PSMD14: variants seen among roughly 807,000 people sequenced by gnomAD.
PSMD14 encodes proteasome 26S subunit, non-ATPase 14.
Under a neutral mutation model 41.2 loss-of-function variants are expected in PSMD14, and 7 were observed. The ratio of observed to expected loss-of-function variants is 0.17; its 90% confidence interval spans 0.10 to 0.32. The LOEUF (loss-of-function observed/expected upper bound fraction) is 0.32, where lower values mean the gene tolerates loss of function less well. Ranked by LOEUF, PSMD14 falls within the 10% of genes least tolerant of loss-of-function variation. PSMD14 has a pLI of 1.00. For missense variants in PSMD14, 139 were observed against 375.6 expected (o/e 0.37, Z 5.21); for synonymous variants, 114 against 122.3 (o/e 0.93, Z 0.45).
intron 3 of PSMD14, among the ~76,000 whole-genome samples, chr2:161,353,100 A>G (rs1000845060): frequency 1.3e-5 from 2 of 152,234 alleles, no homozygotes; most frequent in African/African-American, 4.8e-5. Context: ...TGGCTTTAAG[A>G]CTATGAGTCA....
At chr2:161,374,437 A>G (rs997816059) in intron 7 of PSMD14, among the ~76,000 whole-genome samples, 4 of 151,986 alleles carry the variant, frequency 2.6e-5, no homozygotes, top group African/African-American at 7.2e-5. Context: ...GAAATACACT[A>G]TATGATAAAG....
chr2:161,393,917 G>T (rs1055620332), intron 9 of PSMD14, among the ~76,000 whole-genome samples: 1 of 150,340 alleles, frequency 6.7e-6, no homozygotes, highest in Non-Finnish European at 1.5e-5. Flanking sequence ...TTAGTTTCAT[G>T]ATCACTGATA....
At chr2:161,342,266 T>C (rs1682975296) in intron 3 of PSMD14, among the ~76,000 whole-genome samples, 1 of 152,220 alleles carries the variant, frequency 6.6e-6, no homozygotes, top group Admixed American at 6.5e-5. Context: ...TGATATTAGC[T>C]GTACATTTGT....
At chr2:161,396,954 A>G (rs1375287920) in intron 10 of PSMD14, among the ~76,000 whole-genome samples, 5 of 152,066 alleles carry the variant, frequency 3.3e-5, no homozygotes, top group Non-Finnish European at 7.4e-5. Context: ...CATCCTCCCA[A>G]GTAGCTGGGA....
At chr2:161,340,471 C>A (rs1291571512) in intron 3 of PSMD14, among the ~76,000 whole-genome samples, 1 of 152,168 alleles carries the variant, frequency 6.6e-6, no homozygotes, top group African/African-American at 2.4e-5. Context: ...TTAAAATGTT[C>A]GTTTTATCTA....
Position 161,411,435 on chromosome 2 carries a change from G to A in PSMD14, c.*35G>A, listed in dbSNP as rs1684023575. 2.1e-6 allele frequency: 3 copies of A among 1,445,144 alleles called. No homozygotes were observed. Among genetic ancestry groups the A allele is most frequent in the Non-Finnish European group, 2.9e-6 (3 of 1,043,992 alleles). The allele number at this position is 1,445,144 out of a possible 1,614,324, so 89.5% of individuals were successfully genotyped here. A position where few individuals can be genotyped will look rare whatever the true frequency, so the allele number is the denominator to read the frequency against. On this transcript the variant is annotated 3_prime_UTR_variant, in exon 12 of 12. Transcript: ENST00000409682. ...AAACGCTATTAATGATGCCTTCAGTGTATATTCCTCTGTTGTTCCTAATGC... is the reference window on the plus strand; with the variant it reads ...AAACGCTATTAATGATGCCTTCAGTATATATTCCTCTGTTGTTCCTAATGC...
rs188842561 is a variant in PSMD14 at position 161,364,618 on chromosome 2, C to T, written c.49-2860C>T. On this transcript the variant is annotated intron_variant, in intron 3 of 11. Coordinates refer to ENST00000409682, the MANE Select transcript of PSMD14 (RefSeq NM_005805.6). ...CTTCTGTTGCCTGGTTTTTGCTATT[C>T]TGAACAGGTGAGCATGTAGGAAAAC... is the stretch of plus-strand genomic sequence containing the variant. 3.2e-3 allele frequency among the ~76,000 whole-genome samples: 480 copies of T among 152,020 alleles called. 6 individuals carry two copies. Among genetic ancestry groups the T allele is most frequent in the Admixed American group, 7.2e-3 (110 of 15,270 alleles).
At position 161,374,604 on chromosome 2, in the gene PSMD14, C is replaced by T. The variant is rs116837966; in HGVS notation, c.462+3282C>T. 3.3e-3 allele frequency among the ~76,000 whole-genome samples: 502 copies of T among 151,992 alleles called. 5 individuals carry two copies. The highest frequency in any genetic ancestry group is 0.011 in the African/African-American group (464 of 41,510). On this transcript the variant is annotated intron_variant, in intron 7 of 11. Transcript: ENST00000409682. ...AATCAGTGAAATAGTTTATAAGGTC[C>T]GCTTGCAGCATTTAGTTCATTTGTA...
At chr2:161,345,706 C>T (rs1406798553) in intron 3 of PSMD14, among the ~76,000 whole-genome samples, 2 of 152,060 alleles carry the variant, frequency 1.3e-5, no homozygotes, top group East Asian at 3.9e-4. Flanking sequence ...TTATTTTAAT[C>T]ACATTTGGAC....
chr2:161,410,209 CAGTGTTTTT>C (rs1559057669), intron 11 of PSMD14, among the ~76,000 whole-genome samples: 4 of 151,934 alleles, frequency 2.6e-5, no homozygotes, highest in Non-Finnish European at 5.9e-5. Flanking sequence ...CAGTGTTTCT[CAGTGTTTTT>C]CACCTAAAAT....
At chr2:161,385,622 C>A in intron 8 of PSMD14, 51 bp downstream of exon 8, 1 of 1,108,006 alleles carries the variant, frequency 9.0e-7, no homozygotes, top group Non-Finnish European at 1.4e-6. Flanking sequence ...TTTTAAAAGC[C>A]TGCTATAAGT....
At chr2:161,390,846 C>G (rs901498536) in intron 8 of PSMD14, among the ~76,000 whole-genome samples, 1 of 152,118 alleles carries the variant, frequency 6.6e-6, no homozygotes, top group Non-Finnish European at 1.5e-5. Context: ...TTATCTCTGA[C>G]TGAGCAAGGC....
chr2:161,400,066 A>C (rs184486940), intron 10 of PSMD14, among the ~76,000 whole-genome samples: 2 of 152,194 alleles, frequency 1.3e-5, no homozygotes, highest in African/African-American at 4.8e-5. Flanking sequence ...ACTTTATGTA[A>C]CGCCTGAATT....
At position 161,389,883 on chromosome 2, in the gene PSMD14, T is replaced by G. The variant is rs1226024131; in HGVS notation, c.571-1221T>G. Among the ~76,000 whole-genome samples the G allele has an allele frequency of 2.4e-4, 12 of 50,482 alleles. No individual in the cohort carries two copies. In the East Asian group the frequency reaches 8.6e-3, roughly 36 times the overall value. The allele number at this position is 50,482 out of a possible 152,430, so 33.1% of individuals were successfully genotyped here. ...TATTTGTGTCTTATTTTCTTTCTTT[T>G]TTGTTGTTTTTTTTTTTTTTTTTTT... is the stretch of plus-strand genomic sequence containing the variant. On this transcript the variant is annotated intron_variant, in intron 8 of 11. Coordinates refer to ENST00000409682, the MANE Select transcript of PSMD14 (RefSeq NM_005805.6).
At chr2:161,375,001 T>A (rs1683484333) in intron 7 of PSMD14, among the ~76,000 whole-genome samples, 1 of 152,052 alleles carries the variant, frequency 6.6e-6, no homozygotes, top group Non-Finnish European at 1.5e-5. Flanking sequence ...AAAAAAGGAA[T>A]GACTAATTAT....
chr2:161,328,485 C>T (rs1456987133), intron 3 of PSMD14, among the ~76,000 whole-genome samples: 1 of 151,984 alleles, frequency 6.6e-6, no homozygotes, highest in Non-Finnish European at 1.5e-5. Flanking sequence ...AGTTGTTCTA[C>T]AGAAGCAGTA....
intron 3 of PSMD14, among the ~76,000 whole-genome samples, chr2:161,366,963 AG>A (rs1683367857): frequency 6.6e-6 from 1 of 152,062 alleles, no homozygotes. Flanking sequence ...GTATAGGGGG[AG>A]GGGAACAGCT....
At chr2:161,390,306 CT>C (rs1683695236) in intron 8 of PSMD14, among the ~76,000 whole-genome samples, 1 of 151,990 alleles carries the variant, frequency 6.6e-6, no homozygotes, top group South Asian at 2.1e-4. Context: ...AAAAATATCC[CT>C]AAAGGTTTAT....
chr2:161,340,943 C>A, intron 3 of PSMD14: 1 of 1,613,452 alleles, frequency 6.2e-7, no homozygotes, highest in Non-Finnish European at 8.5e-7. Context: ...CAGGCCCTTC[C>A]GATGATGGCC....
Sources: allele counts gnomAD v4.1 joint callset (sites outside exome capture counted in the v4.1 genomes callset), GRCh38; gene constraint gnomAD v4.1.1; transcripts MANE v1.5; gene names NCBI Gene and HGNC (gene_info 2026-07-23, HGNC 2026-07-21).